Variants in HNF4G observed in about 807,000 individuals in gnomAD.
The protein encoded by HNF4G is hepatocyte nuclear factor 4 gamma, also known as hepatocyte nuclear factor 4-gamma.
A neutral mutation model predicts 50.9 loss-of-function variants in HNF4G; 21 were observed. That is an observed-to-expected ratio of 0.41 (90% confidence interval 0.29 to 0.59). The LOEUF (loss-of-function observed/expected upper bound fraction) is 0.59, where lower values mean the gene tolerates loss of function less well. Among genes scored for constraint, HNF4G ranks in the 20% least tolerant of loss-of-function variants. HNF4G has a pLI of 0.26. For missense variants in HNF4G, 527 were observed against 559.4 expected (o/e 0.94, Z 0.58); for synonymous variants, 198 against 185.6 (o/e 1.07, Z -0.54).
At chr8:75,455,974 A>C (rs1015078982) in intron 1 of HNF4G, among the ~76,000 whole-genome samples, 4 of 152,154 alleles carry the variant, frequency 2.6e-5, no homozygotes, top group African/African-American at 9.7e-5. Flanking sequence ...AGATATTTTA[A>C]ATCAGAGCTA....
chr8:75,561,735 G>A (rs542652256), intron 9 of HNF4G, among the ~76,000 whole-genome samples: 31 of 152,278 alleles, frequency 2.0e-4, no homozygotes, highest in African/African-American at 6.7e-4. Context: ...TGCCAGACTG[G>A]TGGTGTTTAA....
chr8:75,409,184 G>A (rs1190526642), intron 1 of HNF4G, among the ~76,000 whole-genome samples: 2 of 152,104 alleles, frequency 1.3e-5, no homozygotes, highest in Non-Finnish European at 2.9e-5. Context: ...GGTGGTGAGT[G>A]GTGGTAAACT....
intron 1 of HNF4G, among the ~76,000 whole-genome samples, chr8:75,479,282 T>TA (rs1295217192): frequency 1.3e-5 from 2 of 152,224 alleles, no homozygotes; most frequent in African/African-American, 2.4e-5. Context: ...TTCGTGCACC[T>TA]AAAAAATGGC....
chr8:75,526,172 A>C (rs1333414765), intron 2 of HNF4G, among the ~76,000 whole-genome samples: 3 of 151,914 alleles, frequency 2.0e-5, no homozygotes, highest in African/African-American at 7.2e-5. Context: ...TCTGTCACCC[A>C]GGCTGGAGTG....
chr8:75,483,470 C>G (rs181591962), intron 1 of HNF4G, among the ~76,000 whole-genome samples: 1 of 152,152 alleles, frequency 6.6e-6, no homozygotes, highest in South Asian at 2.1e-4. Flanking sequence ...GAAGTTCCCT[C>G]TGGTGCTCGG....
At chr8:75,533,753 A>G (rs1029260092) in intron 2 of HNF4G, among the ~76,000 whole-genome samples, 1 of 151,868 alleles carries the variant, frequency 6.6e-6, no homozygotes, top group Non-Finnish European at 1.5e-5. Flanking sequence ...TGGAGATGCA[A>G]ATATTGTTTA....
chr8:75,434,159 C>A (rs1811082550), intron 1 of HNF4G, among the ~76,000 whole-genome samples: 1 of 151,566 alleles, frequency 6.6e-6, no homozygotes, highest in Admixed American at 6.6e-5. Context: ...GCCTGCCACC[C>A]CACCCGGCTA....
At position 75,547,692 on chromosome 8, in the gene HNF4G, T is replaced by C; in HGVS notation, c.382+11T>C. ...GAATGAAAAAAGAAGGTAATAATAA[T>C]GATGATGATAATTAACATTATTGAT... On this transcript the variant is annotated intron_variant, in intron 3 of 9. Coordinates refer to ENST00000396423, the MANE Select transcript of HNF4G (RefSeq NM_004133.5). The C allele has an allele frequency of 7.1e-7, 1 of 1,412,000 alleles. No homozygotes were observed. The highest frequency in any genetic ancestry group is 1.0e-6 in the Non-Finnish European group (1 of 996,250). 87.5% of individuals were successfully genotyped at this position (1,412,000 alleles called of 1,614,324 possible). A position where few individuals can be genotyped will look rare whatever the true frequency, so the allele number is the denominator to read the frequency against.
At chr8:75,505,687 C>CAA (rs5892495) in intron 2 of HNF4G, among the ~76,000 whole-genome samples, 36,398 of 146,042 alleles carry the variant, frequency 0.25, 4,672 homozygotes, top group South Asian at 0.32. Context: ...GCAAGATTTC[C>CAA]AAAAAAAAAA....
chr8:75,431,238 A>G (rs935668835), intron 1 of HNF4G, among the ~76,000 whole-genome samples: 3 of 152,126 alleles, frequency 2.0e-5, no homozygotes, highest in East Asian at 1.9e-4. Flanking sequence ...AAATTGCAAC[A>G]TACATCTAAT....
rs149069367 is a variant in HNF4G, at chr8:75,492,494, CTA to C, written c.-24+2288_-24+2289del. Among the ~76,000 whole-genome samples the C allele has an allele frequency of 2.7e-3, 410 of 152,298 alleles. 1 individual carries two copies. The highest frequency in any genetic ancestry group is 4.6e-3 in the Non-Finnish European group (311 of 68,024). ...AGATGGGAGCATTATTGTGACCCCC[CTA>C]TGTTTGCACATTTCACATATGTGTC... On this transcript the variant is annotated intron_variant, in intron 2 of 10. Transcript: ENST00000354370.
chr8:75,440,644 A>G (rs1308722973), intron 1 of HNF4G, among the ~76,000 whole-genome samples: 1 of 152,184 alleles, frequency 6.6e-6, no homozygotes, highest in East Asian at 1.9e-4. Flanking sequence ...CCTGACCAAA[A>G]TTAAAGGAAA....
chr8:75,413,713 T>C (rs2130467299), intron 1 of HNF4G, among the ~76,000 whole-genome samples: 1 of 151,850 alleles, frequency 6.6e-6, no homozygotes, highest in Admixed American at 6.6e-5. Flanking sequence ...AAAATGAGCA[T>C]GGGCATGGTG....
intron 1 of HNF4G, among the ~76,000 whole-genome samples, chr8:75,462,892 C>T (rs78796945): frequency 6.6e-6 from 1 of 152,136 alleles, no homozygotes; most frequent in Non-Finnish European, 1.5e-5. Flanking sequence ...CAATATAGTA[C>T]ATGTTGTACT....
intron 1 of HNF4G, among the ~76,000 whole-genome samples, chr8:75,477,192 T>C (rs1294654651): frequency 1.3e-5 from 2 of 152,232 alleles, no homozygotes; most frequent in Non-Finnish European, 2.9e-5. Context: ...TTTAAGATTA[T>C]ATTGCCATTA....
intron 2 of HNF4G, among the ~76,000 whole-genome samples, chr8:75,517,428 A>G (rs569107835): frequency 2.4e-4 from 36 of 152,296 alleles, no homozygotes; most frequent in African/African-American, 8.4e-4. Flanking sequence ...GAGCCTGTAA[A>G]ATCAAAAACA....
intron 1 of HNF4G, among the ~76,000 whole-genome samples, chr8:75,466,875 G>T (rs1165024939): frequency 1.3e-5 from 2 of 151,800 alleles, no homozygotes; most frequent in African/African-American, 4.8e-5. Context: ...GTAGAGATGG[G>T]GTTTTGCCAC....
rs374637955 is a variant in HNF4G, at chr8:75,558,479, G to T, written c.734-39G>T. 5.7e-6 allele frequency: 9 copies of T among 1,578,410 alleles called. No homozygotes were observed. The South Asian group carries it at 9.2e-5, about 16-fold the overall frequency. ...TGCTGACAATTTGGGGAGACAGGTG[G>T]TTATTTTGTTTTGTTTTGTTTTGTT... On this transcript the variant is annotated intron_variant, in intron 6 of 9. Coordinates refer to ENST00000396423, the MANE Select transcript of HNF4G (RefSeq NM_004133.5).
intron 1 of HNF4G, among the ~76,000 whole-genome samples, chr8:75,446,921 G>C (rs1242328473): frequency 7.8e-6 from 1 of 127,698 alleles, no homozygotes; most frequent in Admixed American, 8.0e-5. Context: ...CACAGAATTG[G>C]AAAAAACTAC....
Sources: allele counts gnomAD v4.1 joint callset (sites outside exome capture counted in the v4.1 genomes callset), GRCh38; gene constraint gnomAD v4.1.1; transcripts MANE v1.5; gene names NCBI Gene and HGNC (gene_info 2026-07-23, HGNC 2026-07-21).